ANK2: variants seen among roughly 807,000 people sequenced by gnomAD.
The protein encoded by ANK2 is ankyrin-2.
Under a neutral mutation model 360.5 loss-of-function variants are expected in ANK2, and 83 were observed. That is an observed-to-expected ratio of 0.23 (90% CI 0.19 to 0.28). The LOEUF is 0.28. ANK2 is among the 10% of genes least tolerant of loss of function. ANK2 has a pLI of 1.00. For missense variants in ANK2, 4,201 were observed against 4,795.7 expected (o/e 0.88, Z 3.66); for synonymous variants, 1,740 against 1,759.5 (o/e 0.99, Z 0.28).
rs530586868 is a variant in ANK2 at position 113,341,208 on chromosome 4, G to A, written c.3894-480G>A. 2.6e-5 allele frequency among the ~76,000 whole-genome samples: 4 copies of A among 152,312 alleles called. No individual in the cohort carries two copies. In the East Asian group the frequency reaches 5.8e-4, roughly 22 times the overall value. ...TTAGAGTTCCATGGAAAAGAATAAC[G>A]AGGGGAGGAAAAGCTGGGTAGATTT... On this transcript the variant is annotated intron_variant, in intron 32 of 45. Coordinates refer to ENST00000357077, the MANE Select transcript of ANK2 (RefSeq NM_001148.6).
chr4:112,944,504 A>C (rs1402994763), intron 2 of ANK2, among the ~76,000 whole-genome samples: 2 of 152,210 alleles, frequency 1.3e-5, no homozygotes, highest in African/African-American at 2.4e-5. Context: ...CAGTACATAA[A>C]AGATATCCGT....
At chr4:112,781,827 A>ATTTTTT in the ANK2 span, among the ~76,000 whole-genome samples, 21 of 124,752 alleles carry the variant, frequency 1.7e-4, no homozygotes, top group South Asian at 1.0e-3. Flanking sequence ...TGATAACAGT[A>ATTTTTT]TTTTTTTTTT....
intron 5 of ANK2, among the ~76,000 whole-genome samples, chr4:113,233,106 G>GTTTTTTTTTTTTTT (rs1156385030): frequency 7.5e-5 from 6 of 79,640 alleles, no homozygotes; most frequent in East Asian, 3.7e-4. Flanking sequence ...TGGCTTTTCT[G>GTTTTTTTTTTTTTT]TTTTTTTTTT....
intron 1 of ANK2, among the ~76,000 whole-genome samples, chr4:113,130,165 A>G (rs1292262601): frequency 6.6e-6 from 1 of 152,170 alleles, no homozygotes; most frequent in Non-Finnish European, 1.5e-5. Flanking sequence ...TATTTATCAC[A>G]CTTGATTGTC....
chr4:112,971,472 A>G (rs978803942), intron 2 of ANK2, among the ~76,000 whole-genome samples: 1 of 152,230 alleles, frequency 6.6e-6, no homozygotes, highest in Non-Finnish European at 1.5e-5. Context: ...TAGTGTGAGG[A>G]ACCAAGACCA....
chr4:113,339,396 GT>G, intron 32 of ANK2, 74 bp downstream of exon 32: 1 of 1,220,774 alleles, frequency 8.2e-7, no homozygotes, highest in Non-Finnish European at 1.2e-6. Flanking sequence ...GTTTTATTTT[GT>G]TTCTTTATTG....
At chr4:112,893,992 G>A (rs2080975458) in intron 1 of ANK2, among the ~76,000 whole-genome samples, 3 of 152,032 alleles carry the variant, frequency 2.0e-5, no homozygotes. Context: ...GCAACACTCC[G>A]TTTCAAAAAA....
chr4:112,739,683 G>A, the ANK2 span, among the ~76,000 whole-genome samples: 1 of 152,144 alleles, frequency 6.6e-6, no homozygotes, highest in Non-Finnish European at 1.5e-5. Flanking sequence ...TCCCTTAGAT[G>A]GGGGAGGGAG....
chr4:113,237,252 C>T, intron 6 of ANK2, 80 bp downstream of exon 6: 2 of 1,491,310 alleles, frequency 1.3e-6, no homozygotes, highest in Non-Finnish European at 1.9e-6. Context: ...AGAAGTAGGC[C>T]ATGGTGATAA....
At chr4:113,319,501 A>G (rs2084817786) in intron 26 of ANK2, among the ~76,000 whole-genome samples, 1 of 151,710 alleles carries the variant, frequency 6.6e-6, no homozygotes, top group Non-Finnish European at 1.5e-5. Flanking sequence ...ATCCTTATCC[A>G]TAAATCCCAG....
At chr4:113,057,651 A>G (rs1439258008) in intron 1 of ANK2, among the ~76,000 whole-genome samples, 1 of 152,090 alleles carries the variant, frequency 6.6e-6, no homozygotes, top group Non-Finnish European at 1.5e-5. Flanking sequence ...AATTTGCCCC[A>G]TATCTCTGTT....
chr4:112,959,012 C>T (rs891613997), intron 2 of ANK2, among the ~76,000 whole-genome samples: 1 of 152,050 alleles, frequency 6.6e-6, no homozygotes, highest in South Asian at 2.1e-4. Context: ...CCACGCCCGG[C>T]TGATTTTTTG....
intron 1 of ANK2, among the ~76,000 whole-genome samples, chr4:113,130,211 A>G (rs1399597588): frequency 6.6e-6 from 1 of 152,152 alleles, no homozygotes; most frequent in African/African-American, 2.4e-5. Flanking sequence ...CTCTCCACAT[A>G]CAGATAGAAC....
At chr4:113,161,167 G>A (rs4627864) in intron 1 of ANK2, among the ~76,000 whole-genome samples, 61,847 of 151,944 alleles carry the variant, frequency 0.41, 12,756 homozygotes, top group African/African-American at 0.44. Flanking sequence ...TTCAAAATTC[G>A]CTCTAGAGTT....
chr4:112,786,790 A>C, the ANK2 span, among the ~76,000 whole-genome samples: 7 of 127,706 alleles, frequency 5.5e-5, no homozygotes, highest in Middle Eastern at 5.6e-3. Flanking sequence ...ACTTTGTCGC[A>C]CAGGCTGGAG....
At chr4:112,788,662 G>A in the ANK2 span, 47 of 1,600,822 alleles carry the variant, frequency 2.9e-5, no homozygotes, top group Admixed American at 1.7e-4. Context: ...ACTTTCAGCC[G>A]CTTATAGAGG....
At chr4:113,260,303 A>C (rs1315905911) in intron 13 of ANK2, among the ~76,000 whole-genome samples, 2 of 152,220 alleles carry the variant, frequency 1.3e-5, no homozygotes, top group African/African-American at 4.8e-5. Flanking sequence ...ATAAAATATT[A>C]ATTGAAACAA....
chr4:112,829,185 G>A (rs62317061), intron 1 of ANK2, among the ~76,000 whole-genome samples: 14,579 of 152,044 alleles, frequency 0.096, 886 homozygotes, highest in Middle Eastern at 0.14. Context: ...ATGAATGAAT[G>A]AATGAATAAA....
chr4:113,285,143 T>G (rs922002568), intron 18 of ANK2, among the ~76,000 whole-genome samples: 5 of 20,608 alleles, frequency 2.4e-4, no homozygotes, highest in African/African-American at 4.6e-4. Flanking sequence ...TAGAAAAGTT[T>G]TTTTTTTTTT....
Sources: gnomAD v4.1 joint callset for allele counts (sites outside exome capture counted in the v4.1 genomes callset) on GRCh38, gnomAD v4.1.1 for gene constraint, MANE v1.5 for transcripts, NCBI Gene and HGNC (gene_info 2026-07-23, HGNC 2026-07-21) for gene names.